The following ALDH1L1 variants were observed in gnomAD, a reference collection of about 807,000 sequenced individuals.
ALDH1L1 encodes aldehyde dehydrogenase 1 family member L1.
Under a neutral mutation model 101.1 loss-of-function variants are expected in ALDH1L1, and 68 were observed. The observed-to-expected ratio is 0.67, with a 90% confidence interval of 0.55 to 0.82. The LOEUF (loss-of-function observed/expected upper bound fraction) is 0.82. Among genes scored for constraint, ALDH1L1 ranks in the 40% least tolerant of loss-of-function variants. The probability of loss-of-function intolerance (pLI) is 0.00; values close to 1 mark genes in which losing one functional copy is unlikely to be tolerated. For synonymous variants in ALDH1L1, 486 were observed against 470.8 expected (o/e 1.03, Z -0.42); for missense variants, 1,087 against 1,172.7 (o/e 0.93, Z 1.07).
intron 1 of ALDH1L1, among the ~76,000 whole-genome samples, chr3:126,178,917 T>A (rs1300674322): frequency 1.3e-5 from 2 of 151,740 alleles, no homozygotes; most frequent in Non-Finnish European, 1.5e-5. Flanking sequence ...GTTCTTTTTT[T>A]ATATTGTACA....
chr3:126,110,168 C>A, intron 19 of ALDH1L1, 59 bp from the exon 20 acceptor site: 1 of 1,595,534 alleles, frequency 6.3e-7, no homozygotes, highest in Non-Finnish European at 8.6e-7. Flanking sequence ...TGACAATGAT[C>A]CTCACCTGAC....
At chr3:126,104,042 C>A in intron 22 of ALDH1L1, 196 bp from the exon 23 acceptor site, 1 of 615,290 alleles carries the variant, frequency 1.6e-6, no homozygotes, top group South Asian at 2.0e-5. Flanking sequence ...CCAGGACTCC[C>A]CAGAATACAA....
intron 1 of ALDH1L1, among the ~76,000 whole-genome samples, chr3:126,192,903 C>G (rs1314484289): frequency 6.6e-6 from 1 of 152,106 alleles, no homozygotes; most frequent in Non-Finnish European, 1.5e-5. Flanking sequence ...AGGGTCAGAA[C>G]AAATTTATAG....
intron 12 of ALDH1L1, among the ~76,000 whole-genome samples, chr3:126,134,400 A>G (rs180687567): frequency 6.6e-6 from 1 of 152,306 alleles, no homozygotes; most frequent in East Asian, 1.9e-4. Context: ...ACGCGCACGC[A>G]GGGCCCAGGC....
chr3:126,190,767 G>C (rs1329058131), intron 1 of ALDH1L1, among the ~76,000 whole-genome samples: 1 of 152,168 alleles, frequency 6.6e-6, no homozygotes, highest in African/African-American at 2.4e-5. Context: ...CATTTATTTG[G>C]AGTTCATTTT....
intron 16 of ALDH1L1, among the ~76,000 whole-genome samples, chr3:126,122,987 T>C (rs2080107930): frequency 6.6e-6 from 1 of 152,162 alleles, no homozygotes; most frequent in Non-Finnish European, 1.5e-5. Context: ...AAGTCTCCAG[T>C]CAAAAGGCAG....
At chr3:126,180,686 G>A, upstream of ALDH1L1, 2 of 1,376,934 alleles carry the variant, frequency 1.5e-6, no homozygotes, top group Non-Finnish European at 1.9e-6. Context: ...CTCACCGGTG[G>A]TGGGACTATG....
At chr3:126,136,358 A>C (rs2080444984) in intron 11 of ALDH1L1, among the ~76,000 whole-genome samples, 1 of 152,144 alleles carries the variant, frequency 6.6e-6, no homozygotes, top group Non-Finnish European at 1.5e-5. Context: ...GGTCACAGTC[A>C]AGAAGGAGTG....
chr3:126,127,436 G>C (rs567466942), intron 14 of ALDH1L1, among the ~76,000 whole-genome samples: 4 of 152,144 alleles, frequency 2.6e-5, no homozygotes, highest in Non-Finnish European at 5.9e-5. Flanking sequence ...CCTGCTGTGC[G>C]GCCCTGAGCC....
upstream of ALDH1L1, among the ~76,000 whole-genome samples, chr3:126,185,278 G>T (rs896012399): frequency 1.3e-5 from 2 of 152,212 alleles, no homozygotes; most frequent in African/African-American, 4.8e-5. Flanking sequence ...AAACTGGCTG[G>T]TGCCAGCACC....
chr3:126,152,900 C>G, intron 7 of ALDH1L1: 1 of 194,272 alleles, frequency 5.1e-6, no homozygotes, highest in Non-Finnish European at 1.1e-5. Context: ...TTAAATTTAA[C>G]GCATATACAT....
chr3:126,159,438 C>A (rs1231933784), intron 2 of ALDH1L1: 1 of 456,742 alleles, frequency 2.2e-6, no homozygotes, highest in South Asian at 1.5e-5. Flanking sequence ...TCTCTGCCTT[C>A]CACTCTTCAA....
intron 22 of ALDH1L1, chr3:126,104,144 G>A (rs542321371): frequency 4.1e-6 from 2 of 484,324 alleles, no homozygotes; most frequent in East Asian, 7.3e-5. Flanking sequence ...AGGGGGTGGA[G>A]AGACTTGGCG....
intron 9 of ALDH1L1, among the ~76,000 whole-genome samples, chr3:126,142,821 A>C (rs2080592207): frequency 6.6e-6 from 1 of 152,190 alleles, no homozygotes; most frequent in Admixed American, 6.5e-5. Context: ...TCAATACACT[A>C]TAGTAGTTCC....
chr3:126,107,645 A>T (rs541725890), intron 20 of ALDH1L1, among the ~76,000 whole-genome samples: 107 of 152,248 alleles, frequency 7.0e-4, no homozygotes, highest in Non-Finnish European at 1.2e-3. Context: ...TCTGCCACTG[A>T]CCCTGGTGGC....
At chr3:126,183,147 C>T (rs116629123), upstream of ALDH1L1, among the ~76,000 whole-genome samples, 599 of 152,166 alleles carry the variant, frequency 3.9e-3, 3 homozygotes, top group Non-Finnish European at 6.2e-3. Flanking sequence ...AAAGGGACAC[C>T]TCAGAATATT....
chr3:126,152,286 A>T (rs1446639058), intron 7 of ALDH1L1: 3 of 152,060 alleles, frequency 2.0e-5, no homozygotes, highest in Non-Finnish European at 4.4e-5. Flanking sequence ...CTTCTCCTGA[A>T]CCTTTACTTT....
chr3:126,152,604 C>T (rs528401414), intron 7 of ALDH1L1: 1 of 153,058 alleles, frequency 6.5e-6, no homozygotes, highest in South Asian at 2.1e-4. Flanking sequence ...CTGGGGGTAC[C>T]ACGCCCATGG....
upstream of ALDH1L1, chr3:126,180,763 G>T (rs2081462446): frequency 6.9e-7 from 1 of 1,452,736 alleles, no homozygotes; most frequent in South Asian, 1.4e-5. Flanking sequence ...CCCCGCAGGG[G>T]CCTGCGCTCT....
Sources: gnomAD v4.1 joint callset for allele counts (sites outside exome capture counted in the v4.1 genomes callset) on GRCh38, gnomAD v4.1.1 for gene constraint, MANE v1.5 for transcripts, NCBI Gene and HGNC (gene_info 2026-07-23, HGNC 2026-07-21) for gene names.